Variants in ADTRP observed in about 807,000 individuals in gnomAD.
ADTRP encodes the protein androgen dependent TFPI regulating protein.
A neutral mutation model predicts 27.0 loss-of-function variants in ADTRP; 20 were observed. The observed-to-expected ratio is 0.74, with a 90% CI of 0.52 to 1.08. The LOEUF is 1.08. Ranked by LOEUF, ADTRP falls within the 50% of genes least tolerant of loss-of-function variation. The pLI, the probability that ADTRP is intolerant of heterozygous loss-of-function variation, is 0.00. For synonymous variants in ADTRP, 101 were observed against 105.2 expected, an observed-to-expected ratio of 0.96 and a Z score of 0.25; for missense variants, 251 against 275.0, an observed-to-expected ratio of 0.91 and a Z score of 0.62.
chr6:11,773,878 A>G (rs1163313622), intron 1 of ADTRP, among the ~76,000 whole-genome samples: 1 of 152,216 alleles, frequency 6.6e-6, no homozygotes, highest in African/African-American at 2.4e-5. Context: ...TACTTGCTCA[A>G]TAATTTATAG....
intron 3 of ADTRP, among the ~76,000 whole-genome samples, chr6:11,737,217 T>G (rs1762580989): frequency 6.6e-6 from 1 of 152,028 alleles, no homozygotes; most frequent in Non-Finnish European, 1.5e-5. Context: ...AGTGCTAGTA[T>G]TTTGCGTTTT....
intron 4 of ADTRP, among the ~76,000 whole-genome samples, chr6:11,733,271 A>G (rs1169268649): frequency 6.6e-6 from 1 of 152,192 alleles, no homozygotes; most frequent in Non-Finnish European, 1.5e-5. Flanking sequence ...TCATCTTTCT[A>G]ATCAGCTTTC....
intron 3 of ADTRP, among the ~76,000 whole-genome samples, chr6:11,753,747 C>A (rs529780921): frequency 2.2e-4 from 34 of 152,144 alleles, no homozygotes; most frequent in Non-Finnish European, 8.8e-5. Context: ...AAATAATATT[C>A]ATTGTCAAGC....
chr6:11,735,105 G>C (rs1181714407), intron 4 of ADTRP, among the ~76,000 whole-genome samples: 1 of 152,188 alleles, frequency 6.6e-6, no homozygotes, highest in African/African-American at 2.4e-5. Context: ...TAGGAGCTCT[G>C]ATGCCAGCTG....
At chr6:11,775,505 TGAAA>T in intron 1 of ADTRP, among the ~76,000 whole-genome samples, 1 of 152,216 alleles carries the variant, frequency 6.6e-6, no homozygotes, top group Non-Finnish European at 1.5e-5. Context: ...GTAACCATTG[TGAAA>T]TACCACCTCT....
In ADTRP at chr6:11,726,284, C is replaced by T. The variant is rs760841187; in HGVS notation, c.507-2784G>A. Among the ~76,000 whole-genome samples the T allele has an allele frequency of 7.0e-4, 107 of 152,186 alleles. 1 individual carries two copies. Among genetic ancestry groups the T allele is most frequent in the Non-Finnish European group, 7.4e-5 (5 of 68,004 alleles). Reference sequence around the variant, plus strand: ...ATGGTTTCAATATGGTTTGTTTGTTCGTACCAAAACTCATGTTGAAATTTG... The same window carrying T: ...ATGGTTTCAATATGGTTTGTTTGTTTGTACCAAAACTCATGTTGAAATTTG... On this transcript the variant is annotated intron_variant, in intron 4 of 5. Coordinates refer to ENST00000414691, the MANE Select transcript of ADTRP (RefSeq NM_032744.4).
intron 4 of ADTRP, among the ~76,000 whole-genome samples, chr6:11,724,953 A>T (rs1762138707): frequency 6.6e-6 from 1 of 152,250 alleles, no homozygotes; most frequent in African/African-American, 2.4e-5. Context: ...CTCTTGTAGC[A>T]ATTAGGATAG....
Position 11,714,551 on chromosome 6 carries a change from G to C in ADTRP, c.659-39C>G, listed in dbSNP as rs189735054. 440 of 1,598,254 alleles carry C rather than the reference G, an allele frequency of 2.8e-4. 1 individual carries two copies. The Admixed American group carries it at 7.8e-3, about 28-fold the overall frequency. The stretch of plus-strand genomic sequence containing the variant: ...AACAGAGACAGACCTCAGGCTTCAG[G>C]CTTTCCCTAATGGGTATTTTTGTTG... On this transcript the variant is annotated intron_variant, in intron 5 of 5. Transcript: ENST00000414691.
chr6:11,774,768 G>A (rs181751631), intron 1 of ADTRP, among the ~76,000 whole-genome samples: 5 of 152,132 alleles, frequency 3.3e-5, no homozygotes, highest in South Asian at 2.1e-4. Context: ...TGAATTCTGC[G>A]AGCCAAGCTG....
intron 4 of ADTRP, among the ~76,000 whole-genome samples, chr6:11,732,580 A>G (rs1202212580): frequency 6.6e-6 from 1 of 152,242 alleles, no homozygotes; most frequent in Non-Finnish European, 1.5e-5. Flanking sequence ...TTCCATCAAC[A>G]GGATCACATC....
At chr6:11,775,468 T>C (rs1763923050) in intron 1 of ADTRP, among the ~76,000 whole-genome samples, 1 of 151,982 alleles carries the variant, frequency 6.6e-6, no homozygotes, top group South Asian at 2.1e-4. Flanking sequence ...GCAGTGGGAC[T>C]GAGGTACCAT....
At chr6:11,766,134 A>C (rs539335261) in intron 3 of ADTRP, 140 bp downstream of exon 3, 79 of 572,674 alleles carry the variant, frequency 1.4e-4, no homozygotes, top group Non-Finnish European at 2.2e-4. Context: ...CATACCTTCA[A>C]TATGCCCTTT....
intron 3 of ADTRP, among the ~76,000 whole-genome samples, chr6:11,752,158 C>G (rs1763076746): frequency 6.6e-6 from 1 of 152,018 alleles, no homozygotes; most frequent in Non-Finnish European, 1.5e-5. Flanking sequence ...TTCTTGGTAC[C>G]TTTTATTCTG....
At chr6:11,758,965 A>G (rs1763316544) in intron 3 of ADTRP, among the ~76,000 whole-genome samples, 1 of 152,160 alleles carries the variant, frequency 6.6e-6, no homozygotes. Context: ...CTTCTGATCA[A>G]CTTGCCCTGC....
At chr6:11,772,004 CTA>C (rs754081930) in intron 1 of ADTRP, among the ~76,000 whole-genome samples, 1 of 152,194 alleles carries the variant, frequency 6.6e-6, no homozygotes, top group Non-Finnish European at 1.5e-5. Context: ...CCCTAGGAAA[CTA>C]TACAGTAGCA....
At chr6:11,773,112 T>C (rs540515418) in intron 1 of ADTRP, among the ~76,000 whole-genome samples, 1 of 152,146 alleles carries the variant, frequency 6.6e-6, no homozygotes, top group African/African-American at 2.4e-5. Flanking sequence ...TCACGGAATG[T>C]CAGTTAGGTA....
intron 1 of ADTRP, chr6:11,770,104 A>C: frequency 1.9e-6 from 3 of 1,551,082 alleles, no homozygotes; most frequent in Non-Finnish European, 2.6e-6. Flanking sequence ...GAAAAAATAA[A>C]AAAAATTATC....
chr6:11,722,525 A>G (rs1407512024), intron 5 of ADTRP, among the ~76,000 whole-genome samples: 1 of 152,056 alleles, frequency 6.6e-6, no homozygotes, highest in East Asian at 1.9e-4. Context: ...ATCCTTATAT[A>G]CAGAATCAGG....
At position 11,778,641 on chromosome 6, in the gene ADTRP, C is replaced by G. The variant is rs772848872; in HGVS notation, c.119G>C (p.Gly40Ala). Residue 40 changes from glycine (G) to alanine (A), a missense_variant, in exon 1 of 6, where the codon GGT (glycine) becomes GCT (alanine). Coordinates refer to ENST00000414691, the MANE Select transcript of ADTRP (RefSeq NM_032744.4). ...CAGCGTCATATATTTCCACCTTGCA[C>G]CATTTGCCAAGATTTTGGGTTTCAC... ...DEVKPKILAN[G>A]ARWKYMTLLN... 6.2e-7 allele frequency: 1 copy of G among 1,614,200 alleles called. No homozygotes were observed. Among genetic ancestry groups the G allele is most frequent in the South Asian group, 1.1e-5 (1 of 91,080 alleles).
Sources: allele counts gnomAD v4.1 joint callset (sites outside exome capture counted in the v4.1 genomes callset), GRCh38; gene constraint gnomAD v4.1.1; transcripts MANE v1.5; gene names NCBI Gene and HGNC (gene_info 2026-07-23, HGNC 2026-07-21).